The following REDIC1 variants were observed in gnomAD, a reference collection of about 807,000 sequenced individuals.
REDIC1 encodes the protein HEI10 Interacting Protein 1.
the REDIC1 span, among the ~76,000 whole-genome samples, chr12:39,699,869 C>T: frequency 3.0e-4 from 46 of 152,134 alleles, no homozygotes; most frequent in Admixed American, 1.3e-3. Context: ...CCAACAGATC[C>T]GCAGCTGAGG....
the REDIC1 span, among the ~76,000 whole-genome samples, chr12:39,826,854 A>ATTT: frequency 3.6e-4 from 24 of 67,392 alleles, 1 homozygote; most frequent in East Asian, 6.1e-4. Context: ...GTCTCTTTCA[A>ATTT]TTTTTTTTTT....
At chr12:39,733,960 A>AT in the REDIC1 span, among the ~76,000 whole-genome samples, 1 of 151,700 alleles carries the variant, frequency 6.6e-6, no homozygotes, top group Non-Finnish European at 1.5e-5. Flanking sequence ...TGAAAAAAAA[A>AT]CTCCTGCAGC....
chr12:39,680,812 G>A, the REDIC1 span, among the ~76,000 whole-genome samples: 1 of 151,736 alleles, frequency 6.6e-6, no homozygotes, highest in East Asian at 1.9e-4. Context: ...ACACTCCATG[G>A]AATTCTACTC....
At chr12:39,713,352 A>G in the REDIC1 span, among the ~76,000 whole-genome samples, 1 of 144,582 alleles carries the variant, frequency 6.9e-6, no homozygotes, top group Non-Finnish European at 1.5e-5. Context: ...ATATGTGTAT[A>G]CACATATACG....
At chr12:39,635,477 AT>A in the REDIC1 span, among the ~76,000 whole-genome samples, 3 of 152,208 alleles carry the variant, frequency 2.0e-5, no homozygotes, top group East Asian at 5.8e-4. Flanking sequence ...AAAAGGATGA[AT>A]TTATGTCCTT....
the REDIC1 span, among the ~76,000 whole-genome samples, chr12:39,722,516 A>G: frequency 6.6e-6 from 1 of 152,168 alleles, no homozygotes; most frequent in African/African-American, 2.4e-5. Flanking sequence ...ACACTGATAC[A>G]TAGAAAAAGA....
At chr12:39,721,551 C>T in the REDIC1 span, 19 of 216,360 alleles carry the variant, frequency 8.8e-5, no homozygotes, top group East Asian at 4.9e-4. Flanking sequence ...TACAATGATG[C>T]GCTGTTATTT....
At chr12:39,825,821 C>G in the REDIC1 span, among the ~76,000 whole-genome samples, 1 of 152,104 alleles carries the variant, frequency 6.6e-6, no homozygotes, top group East Asian at 1.9e-4. Flanking sequence ...CCTCTGCTAA[C>G]TCTACAGGCT....
the REDIC1 span, among the ~76,000 whole-genome samples, chr12:39,732,219 T>G: frequency 6.6e-6 from 1 of 152,248 alleles, no homozygotes; most frequent in Non-Finnish European, 1.5e-5. Flanking sequence ...TTCTGACAGT[T>G]TTTTTGAAAA....
chr12:39,628,903 T>C, the REDIC1 span, among the ~76,000 whole-genome samples: 7,189 of 152,242 alleles, frequency 0.047, 594 homozygotes, highest in African/African-American at 0.17. Flanking sequence ...AGTTCATTAA[T>C]GTTAAGTGAC....
chr12:39,712,985 GTGTATATACGTGTATATGT>G, the REDIC1 span, among the ~76,000 whole-genome samples: 1 of 4,154 alleles, frequency 2.4e-4, no homozygotes, highest in East Asian at 8.5e-3. Flanking sequence ...ATATATACAT[GTGTATATACGTGTATATGT>G]ATATATACAT....
At chr12:39,711,658 T>C in the REDIC1 span, among the ~76,000 whole-genome samples, 1 of 140,558 alleles carries the variant, frequency 7.1e-6, no homozygotes, top group Non-Finnish European at 1.6e-5. Flanking sequence ...CATGTATGTA[T>C]GTCTATACAC....
chr12:39,851,426 C>T, the REDIC1 span, among the ~76,000 whole-genome samples: 72 of 152,216 alleles, frequency 4.7e-4, no homozygotes, highest in East Asian at 9.5e-3. Flanking sequence ...CTGACAATAA[C>T]TTTATATATT....
chr12:39,749,104 C>T, the REDIC1 span, among the ~76,000 whole-genome samples: 2 of 152,042 alleles, frequency 1.3e-5, no homozygotes, highest in African/African-American at 2.4e-5. Flanking sequence ...ACACAAAAAA[C>T]CCTTCAAAAA....
At chr12:39,651,257 A>C in the REDIC1 span, among the ~76,000 whole-genome samples, 1 of 152,172 alleles carries the variant, frequency 6.6e-6, no homozygotes, top group Non-Finnish European at 1.5e-5. Flanking sequence ...TACTATATAT[A>C]CTGTACTTAC....
the REDIC1 span, among the ~76,000 whole-genome samples, chr12:39,644,843 C>T: frequency 6.6e-6 from 1 of 151,792 alleles, no homozygotes; most frequent in African/African-American, 2.4e-5. Flanking sequence ...GAAAAACATA[C>T]AGATTTATTT....
chr12:39,832,213 G>A, the REDIC1 span, among the ~76,000 whole-genome samples: 1 of 152,112 alleles, frequency 6.6e-6, no homozygotes, highest in Admixed American at 6.6e-5. Flanking sequence ...CTGAGTGTCT[G>A]GCTTTGAGAA....
the REDIC1 span, among the ~76,000 whole-genome samples, chr12:39,711,803 A>G: frequency 9.3e-6 from 1 of 107,138 alleles, no homozygotes; most frequent in Non-Finnish European, 2.1e-5. Flanking sequence ...GTACACATGC[A>G]TGTGTATGTG....
the REDIC1 span, among the ~76,000 whole-genome samples, chr12:39,857,560 C>T: frequency 1.3e-5 from 2 of 152,180 alleles, no homozygotes; most frequent in Non-Finnish European, 2.9e-5. Flanking sequence ...ACCTTTCTCC[C>T]TTCATCACCA....
Sources: allele counts gnomAD v4.1 joint callset (sites outside exome capture counted in the v4.1 genomes callset), GRCh38; gene constraint gnomAD v4.1.1; transcripts MANE v1.5; gene names NCBI Gene and HGNC (gene_info 2026-07-23, HGNC 2026-07-21).